Variants in ANK2 observed in about 807,000 individuals in gnomAD.
ANK2 encodes ankyrin-2.
ANK2 carries 83 observed loss-of-function variants against 360.5 expected under a neutral mutation model. The ratio of observed to expected loss-of-function variants is 0.23; its 90% confidence interval spans 0.19 to 0.28. ANK2 has a LOEUF of 0.28. Ranked by LOEUF, ANK2 falls within the 10% of genes least tolerant of loss-of-function variation. ANK2 has a pLI of 1.00. For missense variants in ANK2, 4,201 were observed against 4,795.7 expected, an observed-to-expected ratio of 0.88 and a Z score of 3.66; for synonymous variants, 1,740 against 1,759.5, an observed-to-expected ratio of 0.99 and a Z score of 0.28.
chr4:112,771,225 G>A, the ANK2 span, among the ~76,000 whole-genome samples: 66 of 152,322 alleles, frequency 4.3e-4, no homozygotes, highest in South Asian at 0.013. Context: ...CGAATCTGCT[G>A]CCTCAGACTC....
At chr4:112,787,256 G>T in the ANK2 span, among the ~76,000 whole-genome samples, 1 of 152,140 alleles carries the variant, frequency 6.6e-6, no homozygotes, top group South Asian at 2.1e-4. Flanking sequence ...AAAATATATA[G>T]TTGACCTTCA....
chr4:113,353,532 C>T lies in ANK2; in HGVS notation c.4914C>T (p.Asn1638=), dbSNP rs1399725879. ...KVEKDSTGLV[N]YLTDDLNTCV... ...AGAAAGACTCAACTGGGCTAGTGAACTACCTTACTGATGATCTGAATACCT... is the reference window on the plus strand; with the variant it reads ...AGAAAGACTCAACTGGGCTAGTGAATTACCTTACTGATGATCTGAATACCT... Residue 1638 remains asparagine (N), a synonymous_variant, in exon 38 of 46, where the codon AAC becomes AAT. Coordinates refer to ENST00000357077, the MANE Select transcript of ANK2 (RefSeq NM_001148.6). The T allele has an allele frequency of 1.2e-6, 2 of 1,614,028 alleles. No homozygotes were observed.
rs1419338509 is a variant in ANK2, at chr4:113,221,293, T to A, written c.385-10868T>A. Among the ~76,000 whole-genome samples the A allele has an allele frequency of 6.2e-3, 942 of 152,280 alleles. 7 individuals carry two copies. The highest frequency in any genetic ancestry group is 0.021 in the African/African-American group (880 of 41,538). ...ATCACAATATGTATTAAAGGTTTGTTTTCATTATAACTTACTGAGTAAAAT... is the reference window on the plus strand; with the variant it reads ...ATCACAATATGTATTAAAGGTTTGTATTCATTATAACTTACTGAGTAAAAT... On this transcript the variant is annotated intron_variant, in intron 4 of 45. Coordinates refer to ENST00000357077, the MANE Select transcript of ANK2 (RefSeq NM_001148.6).
At chr4:112,869,572 C>T (rs550816429) in intron 1 of ANK2, among the ~76,000 whole-genome samples, 5 of 152,186 alleles carry the variant, frequency 3.3e-5, no homozygotes, top group African/African-American at 1.2e-4. Context: ...CTTAAGCCAC[C>T]ACACCTAGCT....
intron 4 of ANK2, among the ~76,000 whole-genome samples, chr4:113,230,114 A>G (rs2099273919): frequency 6.6e-6 from 1 of 152,100 alleles, no homozygotes; most frequent in Non-Finnish European, 1.5e-5. Flanking sequence ...TTTAAAAAAT[A>G]TGCTATCCAG....
At chr4:113,225,162 A>T (rs978022601) in intron 4 of ANK2, among the ~76,000 whole-genome samples, 1 of 152,180 alleles carries the variant, frequency 6.6e-6, no homozygotes, top group African/African-American at 2.4e-5. Context: ...GATTTCATTT[A>T]GACCTCCTAA....
At chr4:113,105,815 A>G (rs1332147905) in intron 1 of ANK2, among the ~76,000 whole-genome samples, 2 of 152,216 alleles carry the variant, frequency 1.3e-5, no homozygotes, top group African/African-American at 4.8e-5. Flanking sequence ...GTGTAAGACT[A>G]GATTTAACTT....
intron 2 of ANK2, chr4:113,034,403 A>T (rs1036820996): frequency 4.6e-5 from 7 of 152,168 alleles, no homozygotes; most frequent in African/African-American, 1.7e-4. Flanking sequence ...TGACCAGAAT[A>T]CTGGAAAGAA....
At chr4:112,836,762 A>G (rs962262276) in intron 1 of ANK2, among the ~76,000 whole-genome samples, 1 of 152,248 alleles carries the variant, frequency 6.6e-6, no homozygotes, top group Non-Finnish European at 1.5e-5. Flanking sequence ...ATCTGGCAGA[A>G]GACATTTCTA....
At chr4:113,040,572 A>G (rs908508787) in intron 2 of ANK2, among the ~76,000 whole-genome samples, 4 of 152,102 alleles carry the variant, frequency 2.6e-5, no homozygotes, top group Non-Finnish European at 5.9e-5. Context: ...CCATATTTAC[A>G]TCAGACACAA....
intron 1 of ANK2, among the ~76,000 whole-genome samples, chr4:113,156,949 C>A (rs956581132): frequency 6.6e-6 from 1 of 151,744 alleles, no homozygotes; most frequent in Non-Finnish European, 1.5e-5. Flanking sequence ...ACATATATAT[C>A]CTTTTTAAGA....
At chr4:112,728,057 G>T in the ANK2 span, among the ~76,000 whole-genome samples, 1 of 151,580 alleles carries the variant, frequency 6.6e-6, no homozygotes, top group South Asian at 2.1e-4. Context: ...AACTTTGGGA[G>T]GCCAAGGAAG....
chr4:113,094,290 T>C (rs933143428), intron 1 of ANK2, among the ~76,000 whole-genome samples: 9 of 152,224 alleles, frequency 5.9e-5, no homozygotes, highest in African/African-American at 1.9e-4. Flanking sequence ...AGGAGTGCTG[T>C]TATGCTTAAG....
At chr4:113,069,434 G>C (rs1361161308) in intron 1 of ANK2, among the ~76,000 whole-genome samples, 1 of 152,222 alleles carries the variant, frequency 6.6e-6, no homozygotes, top group Admixed American at 6.5e-5. Flanking sequence ...AAGGCGGAGA[G>C]AAGAGGAAGT....
At chr4:113,150,960 C>A in intron 1 of ANK2, 2 of 806,892 alleles carry the variant, frequency 2.5e-6, no homozygotes, top group Non-Finnish European at 1.7e-6. Context: ...GCTCTATTTT[C>A]TTTGAAGTTC....
Position 113,240,325 on chromosome 4 carries a change from T to C in ANK2, c.694-160T>C, listed in dbSNP as rs362505. On this transcript the variant is annotated intron_variant, in intron 7 of 45. Coordinates refer to ENST00000357077, the MANE Select transcript of ANK2 (RefSeq NM_001148.6). ...TATTTACTTTTTATATGTTTAGTTA[T>C]GTACCACCTTATAACATTAAGATTT... 0.025 allele frequency among the ~76,000 whole-genome samples: 3,767 copies of C among 152,344 alleles called. 79 individuals carry two copies. The highest frequency in any genetic ancestry group is 0.038 in the Non-Finnish European group (2,599 of 68,028).
At chr4:112,829,319 G>A (rs995774034) in intron 1 of ANK2, among the ~76,000 whole-genome samples, 2 of 151,974 alleles carry the variant, frequency 1.3e-5, no homozygotes, top group Middle Eastern at 3.4e-3. Flanking sequence ...CTTTATATCT[G>A]AGTGTTCCAG....
intron 2 of ANK2, among the ~76,000 whole-genome samples, chr4:112,965,028 T>G (rs1305616897): frequency 6.6e-6 from 1 of 152,210 alleles, no homozygotes; most frequent in Non-Finnish European, 1.5e-5. Flanking sequence ...GCAGTGGGGT[T>G]GCTGGATCAT....
At chr4:112,720,033 C>A in the ANK2 span, among the ~76,000 whole-genome samples, 1 of 152,148 alleles carries the variant, frequency 6.6e-6, no homozygotes, top group African/African-American at 2.4e-5. Flanking sequence ...TACTTATTAT[C>A]ATGACTTATT....
Sources: allele counts gnomAD v4.1 joint callset (sites outside exome capture counted in the v4.1 genomes callset), GRCh38; gene constraint gnomAD v4.1.1; transcripts MANE v1.5; gene names NCBI Gene and HGNC (gene_info 2026-07-23, HGNC 2026-07-21).